Variants in DLG2 observed in about 807,000 individuals in gnomAD.
DLG2 encodes disks large homolog 2.
DLG2 carries 45 observed loss-of-function variants against 132.5 expected under a neutral mutation model. The ratio of observed to expected loss-of-function variants is 0.34; its 90% CI spans 0.27 to 0.44. DLG2 has a LOEUF of 0.44. Ranked by LOEUF, DLG2 falls within the 20% of genes least tolerant of loss-of-function variation. The pLI is 1.00. For missense variants in DLG2, 1,045 were observed against 1,196.9 expected, an observed-to-expected ratio of 0.87 and a Z score of 1.87; for synonymous variants, 424 against 419.6, an observed-to-expected ratio of 1.01 and a Z score of -0.13.
intron 6 of DLG2, among the ~76,000 whole-genome samples, chr11:84,758,390 G>A (rs190332448): frequency 1.5e-3 from 225 of 152,264 alleles, no homozygotes; most frequent in Non-Finnish European, 2.9e-3. Flanking sequence ...CATCAATGTT[G>A]TCTGTAAAAT....
intron 3 of DLG2, among the ~76,000 whole-genome samples, chr11:85,510,815 G>C (rs1351155230): frequency 1.3e-5 from 2 of 152,208 alleles, no homozygotes; most frequent in Admixed American, 6.5e-5. Flanking sequence ...TCAGTGTGGC[G>C]ATTCCTCAGG....
chr11:83,464,157 G>C (rs980751349), intron 26 of DLG2, among the ~76,000 whole-genome samples: 2 of 152,178 alleles, frequency 1.3e-5, no homozygotes, highest in African/African-American at 4.8e-5. Context: ...GAAGTGGCAG[G>C]GTGAAGGGAG....
At chr11:85,287,386 G>T (rs1380670930) in intron 3 of DLG2, among the ~76,000 whole-genome samples, 1 of 152,046 alleles carries the variant, frequency 6.6e-6, no homozygotes, top group Non-Finnish European at 1.5e-5. Flanking sequence ...CACAGTAAAA[G>T]AAATACATGT....
intron 2 of DLG2, among the ~76,000 whole-genome samples, chr11:85,612,085 A>G (rs931467157): frequency 2.6e-5 from 4 of 152,246 alleles, no homozygotes; most frequent in African/African-American, 9.6e-5. Flanking sequence ...AGTAGTAAAG[A>G]AAAAACAGTG....
intron 7 of DLG2, among the ~76,000 whole-genome samples, chr11:84,393,193 A>G (rs1051274626): frequency 1.3e-5 from 2 of 152,158 alleles, no homozygotes; most frequent in Non-Finnish European, 2.9e-5. Flanking sequence ...CATTCTGAGC[A>G]TTTACTTTAA....
chr11:83,503,360 C>T (rs1349325621), intron 21 of DLG2, among the ~76,000 whole-genome samples: 1 of 85,024 alleles, frequency 1.2e-5, no homozygotes, highest in Non-Finnish European at 2.6e-5. Context: ...TATACACACA[C>T]ACACCCATTT....
chr11:83,654,431 A>AT (rs2071668677), intron 18 of DLG2, among the ~76,000 whole-genome samples: 1 of 151,962 alleles, frequency 6.6e-6, no homozygotes, highest in African/African-American at 2.4e-5. Context: ...TTTTAGTTTT[A>AT]TTTTTTCTTC....
intron 3 of DLG2, among the ~76,000 whole-genome samples, chr11:85,295,719 C>A (rs914116751): frequency 7.9e-5 from 12 of 152,090 alleles, no homozygotes; most frequent in African/African-American, 1.7e-4. Context: ...TTAGAAAATT[C>A]TTCAGATCAC....
chr11:85,568,014 AT>A (rs35453793), intron 3 of DLG2, among the ~76,000 whole-genome samples: 1,786 of 135,870 alleles, frequency 0.013, 14 homozygotes, highest in African/African-American at 0.028. Flanking sequence ...GTGCTACTAG[AT>A]TTTTTTTTTT....
intron 6 of DLG2, among the ~76,000 whole-genome samples, chr11:84,714,657 C>CTT (rs2060994457): frequency 2.8e-5 from 4 of 143,468 alleles, no homozygotes; most frequent in African/African-American, 1.1e-4. Context: ...TTCTCTCTCT[C>CTT]TCTCTCTCTC....
At chr11:84,363,175 T>A (rs1205463375) in intron 7 of DLG2, among the ~76,000 whole-genome samples, 1 of 151,864 alleles carries the variant, frequency 6.6e-6, no homozygotes, top group African/African-American at 2.4e-5. Flanking sequence ...GCACCTGTTG[T>A]TTCCTGACTT....
intron 6 of DLG2, among the ~76,000 whole-genome samples, chr11:84,601,127 C>A (rs1189792739): frequency 2.0e-5 from 3 of 151,894 alleles, no homozygotes; most frequent in Non-Finnish European, 4.4e-5. Context: ...CACAGGTAAC[C>A]CGCATATATT....
At chr11:84,333,767 T>G (rs1042534453) in intron 7 of DLG2, among the ~76,000 whole-genome samples, 5 of 152,196 alleles carry the variant, frequency 3.3e-5, no homozygotes, top group African/African-American at 1.2e-4. Flanking sequence ...AGTGTTCAGA[T>G]CTCCTTTAAT....
At chr11:84,754,982 A>C (rs1048193091) in intron 6 of DLG2, among the ~76,000 whole-genome samples, 1 of 152,204 alleles carries the variant, frequency 6.6e-6, no homozygotes, top group Non-Finnish European at 1.5e-5. Context: ...GAATGAATTA[A>C]AGGCTTAGAT....
chr11:83,544,951 C>G (rs2096198204), intron 19 of DLG2, among the ~76,000 whole-genome samples: 1 of 152,162 alleles, frequency 6.6e-6, no homozygotes, highest in Non-Finnish European at 1.5e-5. Context: ...ACCTTCCCTT[C>G]AGGGCTGACA....
At chr11:83,643,970 A>G (rs888106550) in intron 18 of DLG2, among the ~76,000 whole-genome samples, 13 of 152,086 alleles carry the variant, frequency 8.5e-5, no homozygotes, top group Admixed American at 2.0e-4. Flanking sequence ...ACCATTTAGC[A>G]GCCAATTTCT....
chr11:85,031,397 G>C (rs1029398977), intron 6 of DLG2, among the ~76,000 whole-genome samples: 2 of 151,990 alleles, frequency 1.3e-5, no homozygotes, highest in Admixed American at 6.5e-5. Flanking sequence ...TTTTATAATA[G>C]TCATCCCACT....
intron 12 of DLG2, among the ~76,000 whole-genome samples, chr11:83,977,090 A>G (rs1408186010): frequency 1.3e-5 from 2 of 152,020 alleles, no homozygotes; most frequent in Non-Finnish European, 2.9e-5. Flanking sequence ...AGCGTTCACA[A>G]TGCTAGTATT....
chr11:83,845,635 A>C (rs1309601941), intron 16 of DLG2, among the ~76,000 whole-genome samples: 1 of 152,234 alleles, frequency 6.6e-6, no homozygotes, highest in Non-Finnish European at 1.5e-5. Context: ...ACTTCAGCAA[A>C]ATAATAACCA....
Sources: gnomAD v4.1 joint callset for allele counts (sites outside exome capture counted in the v4.1 genomes callset) on GRCh38, gnomAD v4.1.1 for gene constraint, MANE v1.5 for transcripts, NCBI Gene and HGNC (gene_info 2026-07-23, HGNC 2026-07-21) for gene names.